The following GABPB1 variants were observed in gnomAD, a reference collection of about 807,000 sequenced individuals.
GABPB1 encodes GA-binding protein subunit beta-1.
A neutral mutation model predicts 45.9 loss-of-function variants in GABPB1; 15 were observed. The ratio of observed to expected loss-of-function variants is 0.33; its 90% CI spans 0.22 to 0.50. The LOEUF (loss-of-function observed/expected upper bound fraction) is 0.50, where lower values mean the gene tolerates loss of function less well. Among genes scored for constraint, GABPB1 ranks in the 20% least tolerant of loss-of-function variants. The probability of loss-of-function intolerance (pLI) is 0.98; values close to 1 mark genes in which losing one functional copy is unlikely to be tolerated. For missense variants in GABPB1, 252 were observed against 457.5 expected, an observed-to-expected ratio of 0.55 and a Z score of 4.10; for synonymous variants, 143 against 154.4, an observed-to-expected ratio of 0.93 and a Z score of 0.55.
intron 1 of GABPB1, among the ~76,000 whole-genome samples, chr15:50,336,088 C>T (rs1275001032): frequency 2.0e-5 from 3 of 151,790 alleles, no homozygotes; most frequent in East Asian, 3.9e-4. Context: ...TGGTGGCTCA[C>T]GCCTGTAATC....
chr15:50,291,686 G>A (rs1009427448), intron 6 of GABPB1, among the ~76,000 whole-genome samples: 2 of 151,708 alleles, frequency 1.3e-5, no homozygotes, highest in Non-Finnish European at 2.9e-5. Flanking sequence ...CCAGGAGGCC[G>A]AGGCAGGATG....
At chr15:50,327,630 G>A (rs554628464) in intron 1 of GABPB1, among the ~76,000 whole-genome samples, 4 of 152,272 alleles carry the variant, frequency 2.6e-5, no homozygotes, top group South Asian at 2.1e-4. Flanking sequence ...ATGACCGGGC[G>A]TGGTGGCTCA....
At chr15:50,337,130 A>G (rs1269366428) in intron 1 of GABPB1, among the ~76,000 whole-genome samples, 3 of 3,868 alleles carry the variant, frequency 7.8e-4, no homozygotes, top group African/African-American at 3.7e-3. Flanking sequence ...TATATATATA[A>G]TATGAAGAGG....
intron 7 of GABPB1, 69 bp from the exon 8 acceptor site, chr15:50,286,252 G>A: frequency 9.2e-7 from 1 of 1,081,332 alleles, no homozygotes; most frequent in South Asian, 2.1e-5. Flanking sequence ...AACTAGTCTT[G>A]ACATTGTTGA....
intron 1 of GABPB1, among the ~76,000 whole-genome samples, chr15:50,335,036 C>A (rs530261171): frequency 2.6e-5 from 4 of 152,282 alleles, no homozygotes; most frequent in African/African-American, 4.8e-5. Context: ...GATGAAGGAG[C>A]CTTCCTTTGA....
intron 1 of GABPB1, among the ~76,000 whole-genome samples, chr15:50,339,013 T>C (rs767080878): frequency 2.0e-5 from 3 of 151,656 alleles, no homozygotes; most frequent in Non-Finnish European, 2.9e-5. Flanking sequence ...ACACAAAAAT[T>C]AACCAGCAGC....
chr15:50,336,637 C>T (rs2048138458), intron 1 of GABPB1, among the ~76,000 whole-genome samples: 3 of 151,340 alleles, frequency 2.0e-5, no homozygotes, highest in African/African-American at 4.9e-5. Context: ...GAGCCATGTT[C>T]ATGCCACTGC....
intron 1 of GABPB1, among the ~76,000 whole-genome samples, chr15:50,344,803 A>G (rs1408053050): frequency 6.6e-6 from 1 of 152,184 alleles, no homozygotes; most frequent in Non-Finnish European, 1.5e-5. Context: ...GCGCCATTGC[A>G]CTCCAGCTTG....
At chr15:50,295,036 C>G (rs1249472543) in intron 6 of GABPB1, among the ~76,000 whole-genome samples, 1 of 152,068 alleles carries the variant, frequency 6.6e-6, no homozygotes, top group East Asian at 1.9e-4. Flanking sequence ...AAATAAGAGA[C>G]GTATGAAAAA....
rs797010664 is a variant in GABPB1, at chr15:50,322,381, TA to T, written c.1-12584del. Reference sequence around the variant, plus strand: ...CCACCCTGGCCAACATGGTGAAAAATACAAAAAAAAAAAAATTAGCCGGGCA... The same window carrying T: ...CCACCCTGGCCAACATGGTGAAAAATCAAAAAAAAAAAAATTAGCCGGGCA... On this transcript the variant is annotated intron_variant, in intron 1 of 8. Transcript: ENST00000380877. Among the ~76,000 whole-genome samples, 3 of 86,590 alleles carry T rather than the reference TA, an allele frequency of 3.5e-5. No individual in the cohort carries two copies. In the South Asian group the frequency reaches 9.6e-4, roughly 28 times the overall value. The allele number at this position is 86,590 out of a possible 152,430, so 56.8% of individuals were successfully genotyped here.
At chr15:50,333,860 C>A (rs560085241) in intron 1 of GABPB1, among the ~76,000 whole-genome samples, 212 of 152,078 alleles carry the variant, frequency 1.4e-3, no homozygotes, top group African/African-American at 4.9e-3. Context: ...AAAACCCCAT[C>A]TCTACTAAAA....
intron 7 of GABPB1, among the ~76,000 whole-genome samples, chr15:50,288,428 C>T (rs2046236499): frequency 6.6e-6 from 1 of 152,202 alleles, no homozygotes; most frequent in Admixed American, 6.5e-5. Context: ...GCAATGCTTA[C>T]TTAGGCACTT....
At chr15:50,293,482 A>T (rs560146952) in intron 6 of GABPB1, among the ~76,000 whole-genome samples, 1 of 152,338 alleles carries the variant, frequency 6.6e-6, no homozygotes, top group South Asian at 2.1e-4. Context: ...ATCACCAAGC[A>T]CTTAAGAAAA....
chr15:50,344,710 C>T (rs759973446), intron 1 of GABPB1, among the ~76,000 whole-genome samples: 11 of 151,942 alleles, frequency 7.2e-5, no homozygotes, highest in Non-Finnish European at 1.2e-4. Flanking sequence ...TGGTGGTGCA[C>T]GCCTGAAATC....
At chr15:50,331,392 A>G (rs1348894499) in intron 1 of GABPB1, among the ~76,000 whole-genome samples, 1 of 152,224 alleles carries the variant, frequency 6.6e-6, no homozygotes, top group African/African-American at 2.4e-5. Context: ...TTTCTGTTAA[A>G]TTAACCAGAG....
intron 1 of GABPB1, among the ~76,000 whole-genome samples, chr15:50,322,475 G>A (rs371334422): frequency 6.6e-6 from 1 of 151,952 alleles, no homozygotes. Context: ...GAATCAAGGA[G>A]ATGGAGGTTG....
intron 2 of GABPB1, among the ~76,000 whole-genome samples, chr15:50,308,318 T>A (rs950602602): frequency 1.3e-5 from 2 of 152,204 alleles, no homozygotes; most frequent in African/African-American, 4.8e-5. Flanking sequence ...AGTTTACAGT[T>A]TTTTAGACTA....
At position 50,286,175 on chromosome 15, in the gene GABPB1, C is replaced by G; in HGVS notation, c.892G>C (p.Val298Leu). 6.5e-7 allele frequency: 1 copy of G among 1,537,390 alleles called. No individual in the cohort carries two copies. Among genetic ancestry groups the G allele is most frequent in the East Asian group, 2.3e-5 (1 of 43,290 alleles). ...TMPDGQQVLTVPATDIAEETV... is the reference protein window; with the variant it reads ...TMPDGQQVLTLPATDIAEETV... ...TCTTCAGCAATGTCTGTTGCTGGTA[C>G]TGTTAATACTAAAATGAAAAAAAAA... Residue 298 changes from valine to leucine, a missense_variant, in exon 8 of 9, where the codon GTA becomes CTA. Val to Leu is a conservative substitution (Grantham distance 32, BLOSUM62 1). Around this residue, in one of 4 missense-constraint regions of GABPB1, gnomAD observed 193 missense variants for 259.9 expected, o/e 0.74. Coordinates refer to ENST00000380877, the MANE Select transcript of GABPB1 (RefSeq NM_016654.5).
chr15:50,297,994 T>C (rs2046581497), intron 6 of GABPB1, among the ~76,000 whole-genome samples: 1 of 152,242 alleles, frequency 6.6e-6, no homozygotes, highest in Non-Finnish European at 1.5e-5. Flanking sequence ...GAAATTGGTG[T>C]GGCCATTTCA....
Sources: allele counts gnomAD v4.1 joint callset (sites outside exome capture counted in the v4.1 genomes callset), GRCh38; gene constraint gnomAD v4.1.1; regional missense constraint gnomAD v4.1.1; transcripts MANE v1.5; gene names NCBI Gene and HGNC (gene_info 2026-07-23, HGNC 2026-07-21).